Variants in CAMTA1 observed in about 807,000 individuals in gnomAD.
CAMTA1 encodes calmodulin-binding transcription activator 1.
A neutral mutation model predicts 170.9 loss-of-function variants in CAMTA1; 27 were observed. The ratio of observed to expected loss-of-function variants is 0.16; its 90% CI spans 0.12 to 0.22. CAMTA1 has a LOEUF of 0.22. CAMTA1 is among the 10% of genes least tolerant of loss of function. CAMTA1 has a pLI of 1.00. For missense variants in CAMTA1, 1,619 were observed against 2,217.2 expected (o/e 0.73, Z 5.42); for synonymous variants, 833 against 891.5 (o/e 0.93, Z 1.17).
At chr1:7,439,284 T>TC (rs2092447827) in intron 5 of CAMTA1, among the ~76,000 whole-genome samples, 1 of 152,158 alleles carries the variant, frequency 6.6e-6, no homozygotes, top group African/African-American at 2.4e-5. Context: ...GGGATCTGTG[T>TC]CCCCTGGACC....
At chr1:7,427,914 T>C (rs2091946860) in intron 5 of CAMTA1, among the ~76,000 whole-genome samples, 1 of 152,170 alleles carries the variant, frequency 6.6e-6, no homozygotes, top group African/African-American at 2.4e-5. Context: ...ACTCATCCTT[T>C]CCTTTCTAGG....
intron 3 of CAMTA1, among the ~76,000 whole-genome samples, chr1:7,029,114 C>G (rs1702426459): frequency 6.6e-6 from 1 of 152,112 alleles, no homozygotes; most frequent in African/African-American, 2.4e-5. Context: ...TAGAGGGTAA[C>G]AAGGATTATA....
At chr1:7,542,021 G>A (rs892689985) in intron 6 of CAMTA1, among the ~76,000 whole-genome samples, 1 of 152,102 alleles carries the variant, frequency 6.6e-6, no homozygotes, top group Non-Finnish European at 1.5e-5. Context: ...TGCATGAATG[G>A]CTATTTTTTT....
intron 3 of CAMTA1, among the ~76,000 whole-genome samples, chr1:6,945,648 C>CCTAT (rs1480550492): frequency 3.9e-5 from 6 of 152,122 alleles, no homozygotes; most frequent in Admixed American, 3.9e-4. Context: ...ACCCAGCCAC[C>CCTAT]CTATGCCTTT....
At chr1:7,655,522 A>T (rs991249543) in intron 7 of CAMTA1, among the ~76,000 whole-genome samples, 8 of 77,916 alleles carry the variant, frequency 1.0e-4, no homozygotes, top group African/African-American at 3.3e-4. Flanking sequence ...CTATGTACAC[A>T]CCCACACACA....
At chr1:7,451,193 C>A (rs2092816391) in intron 5 of CAMTA1, among the ~76,000 whole-genome samples, 1 of 152,198 alleles carries the variant, frequency 6.6e-6, no homozygotes, top group Non-Finnish European at 1.5e-5. Flanking sequence ...AGTTGACAGC[C>A]ATTTGCATGA....
intron 5 of CAMTA1, among the ~76,000 whole-genome samples, chr1:7,402,396 C>G (rs546334730): frequency 3.3e-5 from 5 of 152,200 alleles, no homozygotes; most frequent in Non-Finnish European, 7.3e-5. Flanking sequence ...TCCTCACCTT[C>G]TTCTGCTGCA....
At chr1:7,284,141 C>CTTCTTT (rs1671929373) in intron 5 of CAMTA1, among the ~76,000 whole-genome samples, 2 of 94,952 alleles carry the variant, frequency 2.1e-5, no homozygotes, top group South Asian at 4.1e-4. Flanking sequence ...TCTTCTTCTT[C>CTTCTTT]TTCTTCTTCT....
At chr1:7,219,066 A>G (rs1005239203) in intron 4 of CAMTA1, among the ~76,000 whole-genome samples, 5 of 152,188 alleles carry the variant, frequency 3.3e-5, no homozygotes, top group African/African-American at 4.8e-5. Context: ...TGTTAATTGT[A>G]CCATAAAAGA....
At chr1:7,508,368 GCTTGAAAAAGCCTC>G (rs547144573) in intron 6 of CAMTA1, among the ~76,000 whole-genome samples, 50 of 152,336 alleles carry the variant, frequency 3.3e-4, no homozygotes, top group East Asian at 2.1e-3. Flanking sequence ...GGCTGGTGAG[GCTTGAAAAAGCCTC>G]CTCAAAAATC....
At chr1:7,467,954 T>C in intron 6 of CAMTA1, 53 bp downstream of exon 6, 1 of 1,492,604 alleles carries the variant, frequency 6.7e-7, no homozygotes, top group Non-Finnish European at 9.3e-7. Flanking sequence ...GGGAAGGGTC[T>C]GTGGAGGGCA....
rs369766679 is a variant in CAMTA1, at chr1:7,487,565, C to T, written c.510+19664C>T. Reference sequence around the variant, plus strand: ...TCTGGACGTCCATGGAGGACCTGCCCGTGCTCTCTAGCATCCCATTCAGAT... The same window carrying T: ...TCTGGACGTCCATGGAGGACCTGCCTGTGCTCTCTAGCATCCCATTCAGAT... On this transcript the variant is annotated intron_variant, in intron 6 of 22. Transcript: ENST00000303635. Among the ~76,000 whole-genome samples, 23 of 152,318 alleles carry T rather than the reference C, an allele frequency of 1.5e-4. 1 individual carries two copies. In the South Asian group the frequency reaches 3.7e-3, roughly 25 times the overall value.
At chr1:7,176,996 G>A (rs959659456) in intron 4 of CAMTA1, among the ~76,000 whole-genome samples, 2 of 152,054 alleles carry the variant, frequency 1.3e-5, no homozygotes, top group African/African-American at 4.8e-5. Context: ...CTGAGCATCT[G>A]CATAACGGGG....
intron 3 of CAMTA1, among the ~76,000 whole-genome samples, chr1:6,864,240 C>T (rs1665799584): frequency 6.6e-6 from 1 of 152,150 alleles, no homozygotes; most frequent in South Asian, 2.1e-4. Flanking sequence ...CCTGCTGGTT[C>T]TTTTTCCCAA....
chr1:7,373,856 C>G (rs1227553048), intron 5 of CAMTA1, among the ~76,000 whole-genome samples: 1 of 152,190 alleles, frequency 6.6e-6, no homozygotes, highest in Non-Finnish European at 1.5e-5. Flanking sequence ...TTCAGCAGAT[C>G]TGCACTACTC....
At chr1:7,177,470 GC>G (rs139743157) in intron 4 of CAMTA1, among the ~76,000 whole-genome samples, 1 of 122,466 alleles carries the variant, frequency 8.2e-6, no homozygotes, top group East Asian at 2.6e-4. Context: ...ACACCCTGAG[GC>G]CCCCCCACAC....
At chr1:7,651,042 G>A (rs1055375644) in intron 7 of CAMTA1, among the ~76,000 whole-genome samples, 20 of 152,142 alleles carry the variant, frequency 1.3e-4, no homozygotes, top group Non-Finnish European at 2.1e-4. Flanking sequence ...TCTCCCGTCC[G>A]CCTCCGGCAC....
chr1:7,248,484 G>C lies in CAMTA1; in HGVS notation c.303-1007G>C, dbSNP rs1283700068. Among the ~76,000 whole-genome samples, 1 of 152,232 alleles carries C rather than the reference G, an allele frequency of 6.6e-6. No individual in the cohort carries two copies. The highest frequency in any genetic ancestry group is 1.5e-5 in the Non-Finnish European group (1 of 68,042). On this transcript the variant is annotated intron_variant, in intron 4 of 22. Transcript: ENST00000303635. The surrounding 1 kb of genome is among the most constrained non-coding windows in gnomAD (Gnocchi z 4.0). ...CCCCTGCTGCACGTTCAGGTGCAGA[G>C]TGGTGCAGCACTGCGTGGGGTGCTG... is the stretch of plus-strand genomic sequence containing the variant.
At chr1:6,924,602 T>G (rs1345735400) in intron 3 of CAMTA1, among the ~76,000 whole-genome samples, 1 of 152,184 alleles carries the variant, frequency 6.6e-6, no homozygotes, top group African/African-American at 2.4e-5. Flanking sequence ...ATATTTAGAC[T>G]CTTCTGTACT....
Sources: gnomAD v4.1 joint callset for allele counts (sites outside exome capture counted in the v4.1 genomes callset) on GRCh38, gnomAD v4.1.1 for gene constraint, Gnocchi (gnomAD v3.1) non-coding constraint, MANE v1.5 for transcripts, NCBI Gene and HGNC (gene_info 2026-07-23, HGNC 2026-07-21) for gene names.